The following RIC1 variants were observed in gnomAD, a reference collection of about 807,000 sequenced individuals.
RIC1 encodes the protein RIC1 partner of RAB6A GEF complex.
Under a neutral mutation model 169.0 loss-of-function variants are expected in RIC1, and 88 were observed. That is an observed-to-expected ratio of 0.52 (90% CI 0.44 to 0.62). The LOEUF (loss-of-function observed/expected upper bound fraction) is 0.62, where lower values mean the gene tolerates loss of function less well. Ranked by LOEUF, RIC1 falls within the 20% of genes least tolerant of loss-of-function variation. The probability of loss-of-function intolerance (pLI) is 0.00; values close to 1 mark genes in which losing one functional copy is unlikely to be tolerated. For missense variants in RIC1, 1,877 were observed against 1,725.5 expected (o/e 1.09, Z -1.56); for synonymous variants, 790 against 601.5 (o/e 1.31, Z -4.59).
In RIC1 at chr9:5,774,479, G is replaced by A. The variant is rs1211943319; in HGVS notation, c.*233G>A. On this transcript the variant is annotated 3_prime_UTR_variant, in exon 26 of 26. Transcript: ENST00000414202. ...TAAGCTGCAGTGAAAAGTAAATATT[G>A]TACAGATGTACATGAGAATATTTTG... 1 of 378,436 alleles carries A rather than the reference G, an allele frequency of 2.6e-6. No individual in the cohort carries two copies. The highest frequency in any genetic ancestry group is 4.7e-6 in the Non-Finnish European group (1 of 212,690). 23.4% of individuals were successfully genotyped at this position (378,436 alleles called of 1,614,324 possible).
At chr9:5,728,630 A>G (rs1441847928) in intron 6 of RIC1, among the ~76,000 whole-genome samples, 1 of 152,104 alleles carries the variant, frequency 6.6e-6, no homozygotes, top group Non-Finnish European at 1.5e-5. Flanking sequence ...TCATGCTGGG[A>G]GCTGTACACT....
At chr9:5,669,418 A>G (rs1221434788) in intron 2 of RIC1, among the ~76,000 whole-genome samples, 1 of 152,216 alleles carries the variant, frequency 6.6e-6, no homozygotes, top group East Asian at 1.9e-4. Flanking sequence ...TTCACTTAGA[A>G]TAATAGTCTT....
At chr9:5,684,476 C>G (rs1044698890) in intron 2 of RIC1, among the ~76,000 whole-genome samples, 1 of 151,998 alleles carries the variant, frequency 6.6e-6, no homozygotes, top group African/African-American at 2.4e-5. Context: ...ACAAGTATTT[C>G]ATCTCTTTTG....
intron 1 of RIC1, among the ~76,000 whole-genome samples, chr9:5,635,927 A>G (rs1420247612): frequency 6.6e-6 from 1 of 152,190 alleles, no homozygotes; most frequent in East Asian, 1.9e-4. Context: ...TTCTTTATAA[A>G]TTACCAAATC....
intron 1 of RIC1, among the ~76,000 whole-genome samples, chr9:5,640,398 C>A (rs1375509901): frequency 2.0e-5 from 3 of 152,132 alleles, no homozygotes; most frequent in African/African-American, 7.2e-5. Flanking sequence ...AACTTCATCC[C>A]TCTACACTTT....
chr9:5,754,056 G>A (rs994114254), intron 14 of RIC1, among the ~76,000 whole-genome samples: 1 of 152,084 alleles, frequency 6.6e-6, no homozygotes, highest in East Asian at 1.9e-4. Context: ...GTACATATAC[G>A]CATGCAGTTG....
intron 2 of RIC1, among the ~76,000 whole-genome samples, chr9:5,671,238 G>A (rs1820072402): frequency 6.6e-6 from 1 of 151,242 alleles, no homozygotes. Context: ...TACAGAGATG[G>A]CTCTCTGTAT....
intron 2 of RIC1, among the ~76,000 whole-genome samples, chr9:5,663,838 G>T (rs1159243605): frequency 6.6e-6 from 1 of 152,152 alleles, no homozygotes; most frequent in Non-Finnish European, 1.5e-5. Flanking sequence ...GTGTGGATTT[G>T]ATCCTGTCAT....
chr9:5,660,697 A>T (rs7042548), intron 2 of RIC1, among the ~76,000 whole-genome samples: 45,338 of 149,748 alleles, frequency 0.3, 7,825 homozygotes, highest in East Asian at 0.58. Context: ...TCTTAATGGG[A>T]TTTTTTTTTT....
At chr9:5,714,587 G>A (rs1823123834) in intron 4 of RIC1, among the ~76,000 whole-genome samples, 1 of 152,112 alleles carries the variant, frequency 6.6e-6, no homozygotes, top group African/African-American at 2.4e-5. Context: ...TTTCCATTGT[G>A]TAGATATAAG....
At chr9:5,744,468 G>A (rs1411888284) in intron 10 of RIC1, among the ~76,000 whole-genome samples, 1 of 152,114 alleles carries the variant, frequency 6.6e-6, no homozygotes, top group Non-Finnish European at 1.5e-5. Flanking sequence ...AAAGTGCTTG[G>A]AACCAGAAGT....
At chr9:5,634,504 G>GT (rs1563857374) in intron 1 of RIC1, among the ~76,000 whole-genome samples, 1 of 152,062 alleles carries the variant, frequency 6.6e-6, no homozygotes, top group Non-Finnish European at 1.5e-5. Flanking sequence ...GCCATTGGCT[G>GT]TTTTTTGGTA....
intron 6 of RIC1, among the ~76,000 whole-genome samples, chr9:5,730,690 G>C (rs1017029470): frequency 4.6e-5 from 7 of 152,050 alleles, no homozygotes; most frequent in African/African-American, 1.7e-4. Flanking sequence ...GGCCTGAGTA[G>C]CAATTCCACA....
intron 3 of RIC1, among the ~76,000 whole-genome samples, chr9:5,708,701 T>A (rs967668243): frequency 1.2e-4 from 19 of 152,260 alleles, no homozygotes; most frequent in African/African-American, 4.1e-4. Context: ...TTTGACAGTT[T>A]GAACATGATG....
At chr9:5,764,137 T>G (rs1826522024) in intron 19 of RIC1, among the ~76,000 whole-genome samples, 1 of 152,186 alleles carries the variant, frequency 6.6e-6, no homozygotes, top group South Asian at 2.1e-4. Flanking sequence ...TTGAAGAAAT[T>G]TAATATGTAT....
chr9:5,689,135 G>A (rs558600476), intron 2 of RIC1, among the ~76,000 whole-genome samples: 142 of 129,196 alleles, frequency 1.1e-3, no homozygotes, highest in Middle Eastern at 5.1e-3. Context: ...TGCAAGCTCC[G>A]CCTTCTGGGT....
At chr9:5,758,411 C>T (rs192924678) in intron 17 of RIC1, among the ~76,000 whole-genome samples, 3 of 152,272 alleles carry the variant, frequency 2.0e-5, no homozygotes, top group East Asian at 3.9e-4. Flanking sequence ...CCTCAACACT[C>T]CATAAAATAA....
intron 2 of RIC1, among the ~76,000 whole-genome samples, chr9:5,660,721 A>C (rs1819402637): frequency 6.6e-6 from 1 of 151,764 alleles, no homozygotes; most frequent in Non-Finnish European, 1.5e-5. Context: ...GTAAGTTATT[A>C]AGTTCATTGT....
chr9:5,690,801 T>C (rs1423588680), intron 3 of RIC1, among the ~76,000 whole-genome samples: 1 of 151,960 alleles, frequency 6.6e-6, no homozygotes, highest in Non-Finnish European at 1.5e-5. Context: ...ACTACTTTTA[T>C]ATAAAAGAGA....
Sources: allele counts gnomAD v4.1 joint callset (sites outside exome capture counted in the v4.1 genomes callset), GRCh38; gene constraint gnomAD v4.1.1; transcripts MANE v1.5; gene names NCBI Gene and HGNC (gene_info 2026-07-23, HGNC 2026-07-21).